The following BIRC6 variants were observed in gnomAD, a reference collection of about 807,000 sequenced individuals.
BIRC6 encodes dual E2 ubiquitin-conjugating enzyme/E3 ubiquitin-protein ligase BIRC6.
In BIRC6, 98 loss-of-function variants were observed where a neutral mutation model predicts 503.3. The ratio of observed to expected loss-of-function variants is 0.19; its 90% CI spans 0.17 to 0.23. The LOEUF (loss-of-function observed/expected upper bound fraction) is 0.23. BIRC6 is among the 10% of genes least tolerant of loss of function. BIRC6 has a pLI of 1.00. For synonymous variants in BIRC6, 2,240 were observed against 2,078.7 expected, an observed-to-expected ratio of 1.08 and a Z score of -2.11; for missense variants, 5,360 against 5,806.0, an observed-to-expected ratio of 0.92 and a Z score of 2.50.
chr2:32,460,016 T>C (rs1219852872), intron 23 of BIRC6, among the ~76,000 whole-genome samples: 2 of 150,214 alleles, frequency 1.3e-5, no homozygotes, highest in African/African-American at 4.9e-5. Context: ...ATAGTTTTAC[T>C]TTTTTCTTTC....
chr2:32,507,727 C>T (rs1323961748), intron 50 of BIRC6, among the ~76,000 whole-genome samples: 1 of 152,074 alleles, frequency 6.6e-6, no homozygotes, highest in Non-Finnish European at 1.5e-5. Context: ...TCTTTGGTTC[C>T]TCTTTTTTTA....
chr2:32,568,243 C>A (rs796651555), intron 65 of BIRC6, among the ~76,000 whole-genome samples: 7 of 146,132 alleles, frequency 4.8e-5, no homozygotes, highest in African/African-American at 1.8e-4. Context: ...GTAATCGTAA[C>A]ACGTTAGGAG....
At position 32,395,516 on chromosome 2, in the gene BIRC6, C is replaced by G. The variant is rs1385733412; in HGVS notation, c.957C>G (p.Ala319=). 3 of 1,605,540 alleles carry G rather than the reference C, an allele frequency of 1.9e-6. No individual in the cohort carries two copies. The highest frequency in any genetic ancestry group is 3.3e-4 in the Middle Eastern group (2 of 6,036). The change falls in exon 6 of 74, where the codon GCC becomes GCG. Residue 319 remains alanine (A), a synonymous_variant. Transcript: ENST00000421745. ...MAQAGFYHQP[A]SSGDDRAMCF... ...TTTTCTTTATAATTTTGCAGCCTGC[C>G]TCATCTGGAGATGATAGAGCCATGT...
intron 22 of BIRC6, among the ~76,000 whole-genome samples, chr2:32,450,263 G>T (rs2046544775): frequency 6.6e-6 from 1 of 152,164 alleles, no homozygotes; most frequent in Non-Finnish European, 1.5e-5. Context: ...CAGATCACGA[G>T]GTCAGGAGAT....
intron 72 of BIRC6, among the ~76,000 whole-genome samples, chr2:32,609,171 A>C (rs2151685482): frequency 6.6e-6 from 1 of 152,264 alleles, no homozygotes; most frequent in East Asian, 1.9e-4. Context: ...GGCGTGAGCC[A>C]CTGCGCCTGG....
At chr2:32,436,267 T>A (rs2044686467) in intron 15 of BIRC6, 83 bp downstream of exon 15, 2 of 1,179,120 alleles carry the variant, frequency 1.7e-6, no homozygotes, top group Non-Finnish European at 1.1e-6. Context: ...TCAAAAAAAA[T>A]AAGATTGTTT....
intron 52 of BIRC6, 82 bp downstream of exon 52, chr2:32,510,076 C>CT: frequency 1.4e-6 from 2 of 1,444,884 alleles, no homozygotes; most frequent in Non-Finnish European, 1.9e-6. Flanking sequence ...GTGCTTAACT[C>CT]TGTTTTGGGA....
Position 32,563,043 on chromosome 2 carries a change from A to C in BIRC6, c.13145-12113A>C, listed in dbSNP as rs184993880. Among the ~76,000 whole-genome samples the C allele has an allele frequency of 3.9e-5, 6 of 152,140 alleles. No homozygotes were observed. In the South Asian group the frequency reaches 6.2e-4, roughly 16 times the overall value. On this transcript the variant is annotated intron_variant, in intron 65 of 73. Transcript: ENST00000421745. Reference sequence around the variant, plus strand: ...GTCAGTCCTCTGACTTTGTTCTTCAATGTTGTGCTGGCTATGCTACGTATT... The same window carrying C: ...GTCAGTCCTCTGACTTTGTTCTTCACTGTTGTGCTGGCTATGCTACGTATT...
chr2:32,573,592 T>C (rs991500261), intron 65 of BIRC6, among the ~76,000 whole-genome samples: 1 of 152,126 alleles, frequency 6.6e-6, no homozygotes, highest in Admixed American at 6.5e-5. Flanking sequence ...TTCCAGTTGG[T>C]ATACAACACA....
chr2:32,400,538 C>T (rs1332240428), intron 6 of BIRC6, among the ~76,000 whole-genome samples: 5 of 151,910 alleles, frequency 3.3e-5, no homozygotes, highest in Non-Finnish European at 5.9e-5. Flanking sequence ...GGGGTTTCAC[C>T]GTGTTGGTCA....
In BIRC6 at chr2:32,486,709, CT is replaced by C. The variant is rs566514338; in HGVS notation, c.7814-936del. Among the ~76,000 whole-genome samples, 11 of 152,188 alleles carry C rather than the reference CT, an allele frequency of 7.2e-5. No homozygotes were observed. The South Asian group carries it at 2.3e-3, about 32-fold the overall frequency. On this transcript the variant is annotated intron_variant, in intron 40 of 73. Coordinates refer to ENST00000421745, the MANE Select transcript of BIRC6 (RefSeq NM_016252.4). ...GAGAAATTTGAGTTTTTACATCTTCCTTATGTTAAATTGAATTCTTTCAGTC... is the reference window on the plus strand; with the variant it reads ...GAGAAATTTGAGTTTTTACATCTTCCTATGTTAAATTGAATTCTTTCAGTC...
intron 65 of BIRC6, among the ~76,000 whole-genome samples, chr2:32,551,375 C>T (rs970742690): frequency 6.6e-6 from 1 of 152,148 alleles, no homozygotes; most frequent in Non-Finnish European, 1.5e-5. Context: ...CTCCACCTCT[C>T]AGGTTCAAGC....
intron 65 of BIRC6, among the ~76,000 whole-genome samples, chr2:32,554,008 C>A (rs1476101650): frequency 6.6e-6 from 1 of 152,008 alleles, no homozygotes; most frequent in Admixed American, 6.6e-5. Context: ...TTTTCTCTAG[C>A]CCTTGTATAG....
At chr2:32,447,287 C>A (rs1167339615) in intron 21 of BIRC6, among the ~76,000 whole-genome samples, 2 of 145,656 alleles carry the variant, frequency 1.4e-5, no homozygotes, top group African/African-American at 5.0e-5. Context: ...CAGACGGGGT[C>A]GTGGCCGGGC....
At chr2:32,481,975 A>T (rs1376686968) in intron 38 of BIRC6, among the ~76,000 whole-genome samples, 1 of 152,216 alleles carries the variant, frequency 6.6e-6, no homozygotes, top group East Asian at 1.9e-4. Context: ...CATTTTTATT[A>T]ATGTAGCTAC....
At chr2:32,428,327 G>A (rs1181688786) in intron 10 of BIRC6, among the ~76,000 whole-genome samples, 1 of 152,172 alleles carries the variant, frequency 6.6e-6, no homozygotes, top group African/African-American at 2.4e-5. Context: ...TTAAATCCCT[G>A]GTGTTTCCAG....
intron 32 of BIRC6, among the ~76,000 whole-genome samples, chr2:32,472,033 A>T (rs1293619289): frequency 6.6e-6 from 1 of 152,206 alleles, no homozygotes; most frequent in African/African-American, 2.4e-5. Flanking sequence ...CAGTTGTAGG[A>T]TATAGAGGTA....
At position 32,529,708 on chromosome 2, in the gene BIRC6, G is replaced by A; in HGVS notation, c.11978G>A (p.Arg3993Gln). The change falls in exon 60 of 74, where the codon CGA (arginine) becomes CAA (glutamine). Residue 3993 changes from arginine to glutamine, a missense_variant. Physicochemically the swap from Arg to Gln is conservative, Grantham distance 43 (BLOSUM62 1). Coordinates refer to ENST00000421745, the MANE Select transcript of BIRC6 (RefSeq NM_016252.4). The part of the protein sequence containing the change: ...LAQLLTLLYD[R>Q]KLPQGYRSID... The stretch of plus-strand genomic sequence containing the variant: ...CAGCTTTTAACTCTCCTATATGACC[G>A]AAAACTTCCTCAGGGTTACCGCTCA... The A allele has an allele frequency of 2.5e-6, 4 of 1,613,190 alleles. No individual in the cohort carries two copies. The highest frequency in any genetic ancestry group is 3.4e-6 in the Non-Finnish European group (4 of 1,179,548).
intron 71 of BIRC6, among the ~76,000 whole-genome samples, chr2:32,605,950 G>C (rs1021265866): frequency 6.6e-6 from 1 of 152,218 alleles, no homozygotes; most frequent in Admixed American, 6.5e-5. Context: ...CTTGGCATCA[G>C]TATGGTCACT....
Sources: gnomAD v4.1 joint callset for allele counts (sites outside exome capture counted in the v4.1 genomes callset) on GRCh38, gnomAD v4.1.1 for gene constraint, MANE v1.5 for transcripts, NCBI Gene and HGNC (gene_info 2026-07-23, HGNC 2026-07-21) for gene names.